Variants in LPP observed in about 807,000 individuals in gnomAD.
The protein encoded by LPP is lipoma-preferred partner.
A neutral mutation model predicts 60.4 loss-of-function variants in LPP; 38 were observed. The ratio of observed to expected loss-of-function variants is 0.63; its 90% CI spans 0.49 to 0.83. The LOEUF (loss-of-function observed/expected upper bound fraction) is 0.83. Among genes scored for constraint, LPP ranks in the 40% least tolerant of loss-of-function variants. The pLI is 0.00. For synonymous variants in LPP, 328 were observed against 290.8 expected (o/e 1.13, Z -1.30); for missense variants, 902 against 783.6 (o/e 1.15, Z -1.80).
chr3:188,732,250 G>C (rs1453716497), intron 8 of LPP, among the ~76,000 whole-genome samples: 2 of 152,260 alleles, frequency 1.3e-5, no homozygotes, highest in South Asian at 2.1e-4. Context: ...TTTATCTGAC[G>C]CAATGAGAAC....
chr3:188,757,487 G>A (rs1160961236), intron 8 of LPP, among the ~76,000 whole-genome samples: 1 of 152,172 alleles, frequency 6.6e-6, no homozygotes, highest in Non-Finnish European at 1.5e-5. Context: ...GGGCATCATA[G>A]TCTGAATCAA....
At chr3:188,462,598 G>GCA (rs1799376933) in intron 4 of LPP, among the ~76,000 whole-genome samples, 1 of 86,666 alleles carries the variant, frequency 1.2e-5, no homozygotes, top group African/African-American at 4.9e-5. Flanking sequence ...ATGTGTGTGT[G>GCA]TGTGTGTGTG....
intron 6 of LPP, among the ~76,000 whole-genome samples, chr3:188,553,454 C>G (rs935879394): frequency 1.3e-5 from 2 of 152,118 alleles, no homozygotes; most frequent in East Asian, 3.9e-4. Context: ...ACATTGAGCT[C>G]GTGCATGTTG....
At chr3:188,411,877 C>T (rs1036442261) in intron 4 of LPP, among the ~76,000 whole-genome samples, 1 of 152,138 alleles carries the variant, frequency 6.6e-6, no homozygotes, top group East Asian at 1.9e-4. Flanking sequence ...AATTATCTTA[C>T]TAATACACTC....
At position 188,821,634 on chromosome 3, in the gene LPP, A is replaced by C. The variant is rs114142969; in HGVS notation, c.1411-44566A>C. On this transcript the variant is annotated intron_variant, in intron 9 of 11. Transcript: ENST00000617246. ...GCATATATAGTGAATGTATTCATTT[A>C]TATATTAGACACAATTTACATATTT... Among the ~76,000 whole-genome samples, 834 of 152,226 alleles carry C rather than the reference A, an allele frequency of 5.5e-3. 6 individuals carry two copies. The highest frequency in any genetic ancestry group is 0.01 in the Non-Finnish European group (689 of 67,996).
intron 7 of LPP, among the ~76,000 whole-genome samples, chr3:188,636,887 C>T (rs146749521): frequency 0.068 from 9,825 of 145,258 alleles, 595 homozygotes; most frequent in Non-Finnish European, 0.1. Context: ...GAAAGGACAT[C>T]CACACCAAAA....
intron 2 of LPP, among the ~76,000 whole-genome samples, chr3:188,241,008 C>T (rs564798686): frequency 1.3e-5 from 2 of 152,136 alleles, no homozygotes; most frequent in Middle Eastern, 3.4e-3. Flanking sequence ...GGTATGTATG[C>T]ATAGTCTAAA....
intron 4 of LPP, among the ~76,000 whole-genome samples, chr3:188,454,946 T>G (rs1266534385): frequency 6.6e-6 from 1 of 152,210 alleles, no homozygotes; most frequent in African/African-American, 2.4e-5. Flanking sequence ...ATCTAAAGTT[T>G]TAGAAGGTGT....
chr3:188,172,187 C>T (rs1189237872), intron 1 of LPP, among the ~76,000 whole-genome samples: 2 of 152,162 alleles, frequency 1.3e-5, no homozygotes, highest in East Asian at 1.9e-4. Context: ...GCCTTTAGTC[C>T]TTTGGCTATT....
At chr3:188,844,296 G>A (rs1760896353) in intron 9 of LPP, among the ~76,000 whole-genome samples, 1 of 152,152 alleles carries the variant, frequency 6.6e-6, no homozygotes, top group South Asian at 2.1e-4. Context: ...CCAGTCCTGG[G>A]TTAATATTAT....
At chr3:188,279,822 G>A (rs905502025) in intron 2 of LPP, among the ~76,000 whole-genome samples, 1 of 152,122 alleles carries the variant, frequency 6.6e-6, no homozygotes, top group Non-Finnish European at 1.5e-5. Flanking sequence ...ATTTCTTTTT[G>A]CTCTTGTCAG....
At chr3:188,867,198 T>G (rs1013622988) in intron 10 of LPP, among the ~76,000 whole-genome samples, 6 of 150,852 alleles carry the variant, frequency 4.0e-5, no homozygotes, top group African/African-American at 1.5e-4. Context: ...CAGTTTTGTA[T>G]TGTGCTTATT....
intron 1 of LPP, among the ~76,000 whole-genome samples, chr3:188,162,571 A>G (rs1306372748): frequency 6.6e-6 from 1 of 152,198 alleles, no homozygotes; most frequent in Non-Finnish European, 1.5e-5. Flanking sequence ...TTTTGGCAAT[A>G]GTGGTGATTT....
intron 1 of LPP, among the ~76,000 whole-genome samples, chr3:188,177,620 C>A (rs939746350): frequency 6.6e-6 from 1 of 152,038 alleles, no homozygotes; most frequent in Non-Finnish European, 1.5e-5. Context: ...TTAGGTCTTA[C>A]GTGAGCCTCA....
intron 3 of LPP, among the ~76,000 whole-genome samples, chr3:188,349,444 A>G (rs1765259287): frequency 6.6e-6 from 1 of 152,186 alleles, no homozygotes; most frequent in African/African-American, 2.4e-5. Flanking sequence ...GGCTGGGGCC[A>G]TCAAAACGTG....
intron 2 of LPP, among the ~76,000 whole-genome samples, chr3:188,289,456 C>A (rs1367041259): frequency 6.6e-6 from 1 of 152,146 alleles, no homozygotes; most frequent in African/African-American, 2.4e-5. Context: ...GTGATGTTCA[C>A]TCTTGTATTT....
At chr3:188,843,786 C>CAAAAA (rs544161994) in intron 9 of LPP, among the ~76,000 whole-genome samples, 6 of 75,744 alleles carry the variant, frequency 7.9e-5, no homozygotes, top group South Asian at 4.9e-4. Context: ...GACTCCGTCT[C>CAAAAA]AAAAAAAAAA....
chr3:188,271,675 T>G (rs890749854), intron 2 of LPP, among the ~76,000 whole-genome samples: 10 of 152,226 alleles, frequency 6.6e-5, no homozygotes, highest in Admixed American at 6.5e-5. Context: ...TAAAATTGTC[T>G]TGTTGCAAAA....
At position 188,876,891 on chromosome 3, in the gene LPP, T is replaced by C. The variant is rs189123771; in HGVS notation, c.*2412T>C. The stretch of plus-strand genomic sequence containing the variant: ...AAATGCTGTCACAGACCCATCCCTG[T>C]GGCATCGTCAGCAGAATACTGCTTG... On this transcript the variant is annotated 3_prime_UTR_variant, in exon 12 of 12. Coordinates refer to ENST00000617246, the MANE Select transcript of LPP (RefSeq NM_001375462.1). The C allele has an allele frequency of 3.7e-3, 672 of 182,640 alleles. 11 individuals carry two copies. Among genetic ancestry groups the C allele is most frequent in the African/African-American group, 0.014 (598 of 42,602 alleles). 11.3% of individuals were successfully genotyped at this position (182,640 alleles called of 1,614,324 possible).
Sources: gnomAD v4.1 joint callset for allele counts (sites outside exome capture counted in the v4.1 genomes callset) on GRCh38, gnomAD v4.1.1 for gene constraint, MANE v1.5 for transcripts, NCBI Gene and HGNC (gene_info 2026-07-23, HGNC 2026-07-21) for gene names.